The following CAMK4 variants were observed in gnomAD, a reference collection of about 807,000 sequenced individuals.
CAMK4 encodes the protein calcium/calmodulin-dependent protein kinase type IV.
A neutral mutation model predicts 44.9 loss-of-function variants in CAMK4; 22 were observed. The ratio of observed to expected loss-of-function variants is 0.49; its 90% CI spans 0.35 to 0.70. The LOEUF (loss-of-function observed/expected upper bound fraction) is 0.70. Ranked by LOEUF, CAMK4 falls within the 30% of genes least tolerant of loss-of-function variation. CAMK4 has a pLI of 0.01. For synonymous variants in CAMK4, 218 were observed against 215.4 expected (o/e 1.01, Z -0.11); for missense variants, 498 against 586.8 (o/e 0.85, Z 1.56).
At chr5:111,238,744 A>C (rs1262638698) in intron 1 of CAMK4, among the ~76,000 whole-genome samples, 4 of 141,024 alleles carry the variant, frequency 2.8e-5, no homozygotes. Context: ...ACCCCACTTC[A>C]CAAGGAGTAA....
chr5:111,272,621 A>G (rs1236553911), intron 1 of CAMK4, among the ~76,000 whole-genome samples: 1 of 152,172 alleles, frequency 6.6e-6, no homozygotes, highest in African/African-American at 2.4e-5. Flanking sequence ...ACTTTTTGTA[A>G]TTAAGATAAT....
At chr5:111,344,839 C>G (rs1445271837) in intron 2 of CAMK4, among the ~76,000 whole-genome samples, 2 of 151,802 alleles carry the variant, frequency 1.3e-5, no homozygotes, top group South Asian at 4.2e-4. Context: ...GTCTATACCC[C>G]CAGAGAGTAT....
chr5:111,397,692 T>TGC (rs60087560), intron 5 of CAMK4, among the ~76,000 whole-genome samples: 1 of 75,760 alleles, frequency 1.3e-5, no homozygotes. Flanking sequence ...TGTGTGTGTG[T>TGC]TTGCAGTTTA....
At chr5:111,461,639 T>C (rs1329962055) in intron 7 of CAMK4, among the ~76,000 whole-genome samples, 1 of 151,846 alleles carries the variant, frequency 6.6e-6, no homozygotes, top group African/African-American at 2.4e-5. Flanking sequence ...GCAGAGAATT[T>C]CCTAACACTG....
rs557679444 is a variant in CAMK4 at position 111,279,160 on chromosome 5, A to C, written c.161+54516A>C. On this transcript the variant is annotated intron_variant, in intron 1 of 10. Coordinates refer to ENST00000282356, the MANE Select transcript of CAMK4 (RefSeq NM_001744.6). ...CCCATTATTTCTTTTATTTGTAGCA[A>C]ATTTGGTCGTAGGCTTGAACTTATT... 1.2e-4 allele frequency among the ~76,000 whole-genome samples: 19 copies of C among 152,246 alleles called. No homozygotes were observed. The South Asian group carries it at 3.5e-3, about 28-fold the overall frequency.
intron 7 of CAMK4, among the ~76,000 whole-genome samples, chr5:111,468,886 G>A (rs1335214346): frequency 1.3e-5 from 2 of 151,966 alleles, no homozygotes; most frequent in African/African-American, 2.4e-5. Context: ...GCAGAGGCAA[G>A]AGAATCGCTT....
chr5:111,293,915 T>A (rs904380381), intron 1 of CAMK4, among the ~76,000 whole-genome samples: 6 of 151,524 alleles, frequency 4.0e-5, no homozygotes, highest in African/African-American at 7.3e-5. Context: ...CCCGGCTAAT[T>A]TTTTTGTATT....
rs73216034 is a variant in CAMK4 at position 111,388,848 on chromosome 5, A to G, written c.387-5862A>G. Among the ~76,000 whole-genome samples the G allele has an allele frequency of 1.6e-3, 251 of 152,314 alleles. 2 individuals carry two copies. Among genetic ancestry groups the G allele is most frequent in the African/African-American group, 5.7e-3 (235 of 41,562 alleles). ...ATGAATTATTTCACTAACTTAACGT[A>G]TGTTGGGGAAAATCAGTAAAGTTTC... On this transcript the variant is annotated intron_variant, in intron 4 of 10. Transcript: ENST00000282356.
chr5:111,236,240 C>A (rs1748713775), intron 1 of CAMK4, among the ~76,000 whole-genome samples: 1 of 152,170 alleles, frequency 6.6e-6, no homozygotes, highest in Non-Finnish European at 1.5e-5. Context: ...GGATAAATAC[C>A]TTACTTAGTT....
At chr5:111,286,632 G>A (rs1271185664) in intron 1 of CAMK4, among the ~76,000 whole-genome samples, 1 of 152,090 alleles carries the variant, frequency 6.6e-6, no homozygotes, top group Non-Finnish European at 1.5e-5. Context: ...TATTTGCTAT[G>A]TATCTAACAG....
chr5:111,476,261 G>GTA (rs1202812581), intron 8 of CAMK4, among the ~76,000 whole-genome samples: 4,402 of 145,038 alleles, frequency 0.03, 247 homozygotes, highest in African/African-American at 0.11. Context: ...GTGTGTGTGT[G>GTA]TGTGTGTGTT....
At chr5:111,385,215 A>G (rs192629160) in intron 4 of CAMK4, among the ~76,000 whole-genome samples, 1 of 152,330 alleles carries the variant, frequency 6.6e-6, no homozygotes, top group African/African-American at 2.4e-5. Flanking sequence ...GATTGGCCCC[A>G]TATTCAACTC....
Position 111,270,622 on chromosome 5 carries a change from C to A in CAMK4, c.161+45978C>A, listed in dbSNP as rs185133573. ...TCTTACCTATCAGCTTACCCCTATT[C>A]CCTTCCTTTCTCACTCCTCTTAAAT... On this transcript the variant is annotated intron_variant, in intron 1 of 10. Transcript: ENST00000282356. Among the ~76,000 whole-genome samples the A allele has an allele frequency of 3.3e-5, 5 of 152,314 alleles. No individual in the cohort carries two copies. The East Asian group carries it at 9.7e-4, about 29-fold the overall frequency.
intron 4 of CAMK4, among the ~76,000 whole-genome samples, chr5:111,391,161 A>T (rs1751782115): frequency 1.3e-5 from 2 of 152,202 alleles, no homozygotes; most frequent in Admixed American, 6.6e-5. Context: ...ACACTTAGGA[A>T]AAACTGCTAG....
At chr5:111,337,204 G>A (rs1045802105) in intron 1 of CAMK4, among the ~76,000 whole-genome samples, 5 of 150,976 alleles carry the variant, frequency 3.3e-5, no homozygotes, top group Non-Finnish European at 5.9e-5. Flanking sequence ...TTTATTTCTA[G>A]GTAGAATTTC....
rs1471091206 is a variant in CAMK4 at position 111,484,021 on chromosome 5, A to G, written c.982-5A>G. 3 of 1,555,606 alleles carry G rather than the reference A, an allele frequency of 1.9e-6. No individual in the cohort carries two copies. Among genetic ancestry groups the G allele is most frequent in the Non-Finnish European group, 1.7e-6 (2 of 1,152,240 alleles). On this transcript the variant is annotated splice_region_variant and splice_polypyrimidine_tract_variant and intron_variant, in intron 10 of 10. Transcript: ENST00000282356. This position sits in a 1 kb window ranked among gnomAD's most constrained non-coding sequence, Gnocchi z 5.3. ...AACACTTGACACTCTTCTGTTTCCA[A>G]TCAGGCAGCGGTGAAGGCTGTGGTG...
chr5:111,302,089 A>C (rs1561396068), intron 1 of CAMK4: 1 of 152,166 alleles, frequency 6.6e-6, no homozygotes, highest in African/African-American at 2.4e-5. Flanking sequence ...TTGGCTTTGG[A>C]CTGAAAAGAA....
intron 5 of CAMK4, among the ~76,000 whole-genome samples, chr5:111,430,725 CAT>C (rs1403788266): frequency 6.6e-6 from 1 of 151,986 alleles, no homozygotes; most frequent in Non-Finnish European, 1.5e-5. Context: ...AATAAAATGA[CAT>C]AGCTGGAAAC....
At chr5:111,280,801 T>C (rs186280590) in intron 1 of CAMK4, among the ~76,000 whole-genome samples, 1 of 152,352 alleles carries the variant, frequency 6.6e-6, no homozygotes, top group East Asian at 1.9e-4. Context: ...AATCTCACTG[T>C]GGACCTCTGA....
Sources: gnomAD v4.1 joint callset for allele counts (sites outside exome capture counted in the v4.1 genomes callset) on GRCh38, gnomAD v4.1.1 for gene constraint, Gnocchi (gnomAD v3.1) non-coding constraint, MANE v1.5 for transcripts, NCBI Gene and HGNC (gene_info 2026-07-23, HGNC 2026-07-21) for gene names.